PARVB: variants seen among roughly 807,000 people sequenced by gnomAD.
The protein encoded by PARVB is parvin beta, also known as beta-parvin.
A neutral mutation model predicts 47.0 loss-of-function variants in PARVB; 46 were observed. The observed-to-expected ratio is 0.98, with a 90% CI of 0.77 to 1.25. The LOEUF is 1.25. PARVB is among the 50% of genes most tolerant of loss of function. The pLI is 0.00. For missense variants in PARVB, 473 were observed against 471.6 expected, an observed-to-expected ratio of 1.00 and a Z score of -0.03; for synonymous variants, 196 against 196.3, an observed-to-expected ratio of 1.00 and a Z score of 0.01.
At chr22:44,132,020 T>A (rs530391107) in intron 5 of PARVB, among the ~76,000 whole-genome samples, 23 of 152,308 alleles carry the variant, frequency 1.5e-4, no homozygotes, top group African/African-American at 5.5e-4. Flanking sequence ...CATTATGAGA[T>A]GTGACATCAC....
Position 44,013,569 on chromosome 22 carries a change from A to G in PARVB, c.211+13896A>G, listed in dbSNP as rs187922364. Reference sequence around the variant, plus strand: ...GAACTTCAAATAAGTGGATTCACGCAGTCTGTGCTCTTTTGCATCTGTCTG... The same window carrying G: ...GAACTTCAAATAAGTGGATTCACGCGGTCTGTGCTCTTTTGCATCTGTCTG... On this transcript the variant is annotated intron_variant, in intron 2 of 13. Coordinates refer to the PARVB transcript ENST00000406477. 4.3e-4 allele frequency among the ~76,000 whole-genome samples: 66 copies of G among 152,344 alleles called. No individual in the cohort carries two copies. In the East Asian group the frequency reaches 5.2e-3, roughly 12 times the overall value.
chr22:44,094,498 T>A (rs1041799052), intron 2 of PARVB, among the ~76,000 whole-genome samples: 1 of 152,090 alleles, frequency 6.6e-6, no homozygotes, highest in African/African-American at 2.4e-5. Context: ...ATTTTATGTA[T>A]ATATTTTTTG....
intron 1 of PARVB, among the ~76,000 whole-genome samples, chr22:44,077,339 T>C (rs1436842782): frequency 6.6e-6 from 1 of 152,208 alleles, no homozygotes; most frequent in Non-Finnish European, 1.5e-5. Context: ...TCTGTGTCTC[T>C]GTCCTCTCCT....
intron 1 of PARVB, among the ~76,000 whole-genome samples, chr22:44,033,425 G>A (rs923327272): frequency 2.0e-5 from 3 of 152,168 alleles, no homozygotes; most frequent in African/African-American, 4.8e-5. Context: ...GGAATTCCTT[G>A]TACCCAGAAA....
intron 8 of PARVB, 33 bp from the exon 9 acceptor site, chr22:44,147,828 C>T (rs780032725): frequency 2.9e-5 from 47 of 1,603,542 alleles, no homozygotes; most frequent in Admixed American, 5.0e-5. Flanking sequence ...TTTCCATAAA[C>T]GCTCCTTCGT....
At chr22:44,107,994 C>G (rs2052606378) in intron 3 of PARVB, 1 of 152,256 alleles carries the variant, frequency 6.6e-6, no homozygotes, top group Non-Finnish European at 1.5e-5. Flanking sequence ...CTGCCTCAGC[C>G]TCCCAAGTAG....
intron 3 of PARVB, chr22:44,106,138 G>GGT (rs1287678015): frequency 1.4e-3 from 100 of 69,352 alleles, no homozygotes; most frequent in African/African-American, 6.2e-3. Context: ...AGCCAGATGT[G>GGT]TTTTTTTTTT....
At chr22:44,074,117 G>C (rs1440741698) in intron 1 of PARVB, among the ~76,000 whole-genome samples, 2 of 152,220 alleles carry the variant, frequency 1.3e-5, no homozygotes, top group Non-Finnish European at 2.9e-5. Flanking sequence ...GCAGGAGCCA[G>C]GGGTGTGTGA....
rs367757939 is a variant in PARVB, at chr22:44,158,075, G to T, written c.937G>T (p.Asp313Tyr). The stretch of plus-strand genomic sequence containing the variant: ...CTTCTACCTGACTCCGGAAAGCTTC[G>T]ATCAGAAGGTATGTGCATGGTCTCC... ...HHFYLTPESF[D>Y]QKVHNVSFAF... The change falls in exon 11 of 13, where the codon GAT becomes TAT. Residue 313 changes from aspartate to tyrosine, a missense_variant. By Grantham distance (160) the Asp-to-Tyr change is radical (BLOSUM62 -3). Transcript: ENST00000338758. The T allele has an allele frequency of 3.7e-6, 6 of 1,610,088 alleles. No homozygotes were observed. The highest frequency in any genetic ancestry group is 3.4e-6 in the Non-Finnish European group (4 of 1,176,510).
chr22:44,100,457 T>C (rs1038733919), intron 3 of PARVB, among the ~76,000 whole-genome samples: 4 of 152,098 alleles, frequency 2.6e-5, no homozygotes, highest in Non-Finnish European at 4.4e-5. Flanking sequence ...GAGTTGGAAC[T>C]CCGTCTGGAG....
chr22:44,090,144 C>T (rs1403388953), intron 1 of PARVB, among the ~76,000 whole-genome samples: 1 of 152,208 alleles, frequency 6.6e-6, no homozygotes, highest in African/African-American at 2.4e-5. Context: ...GGTATTCCCA[C>T]CACCCCATGT....
chr22:44,147,060 A>G (rs1470791364), intron 8 of PARVB: 3 of 158,044 alleles, frequency 1.9e-5, no homozygotes, highest in East Asian at 1.8e-4. Context: ...TCCCCCCTCC[A>G]TGGCAGCAGG....
At chr22:44,162,881 C>T (rs1214465854) in intron 11 of PARVB, 2 of 152,140 alleles carry the variant, frequency 1.3e-5, no homozygotes, top group East Asian at 3.8e-4. Context: ...AGTAATAGAC[C>T]CTTTAATTTC....
chr22:44,154,302 TTTTTG>T (rs2053872147), intron 10 of PARVB, among the ~76,000 whole-genome samples: 1 of 152,210 alleles, frequency 6.6e-6, no homozygotes, highest in African/African-American at 2.4e-5. Context: ...AATGCAGGGA[TTTTTG>T]TTTTGTTTTG....
chr22:44,084,958 C>T (rs1390520308), intron 1 of PARVB, among the ~76,000 whole-genome samples: 2 of 152,238 alleles, frequency 1.3e-5, no homozygotes, highest in African/African-American at 4.8e-5. Flanking sequence ...TACAAGAACA[C>T]AGTCTGGTGG....
chr22:44,028,873 C>T (rs2050776622), intron 1 of PARVB, among the ~76,000 whole-genome samples: 1 of 152,196 alleles, frequency 6.6e-6, no homozygotes, highest in South Asian at 2.1e-4. Flanking sequence ...ATTCGCATTT[C>T]CCTGATGAGG....
intron 3 of PARVB, chr22:44,104,241 G>C (rs986823309): frequency 6.6e-6 from 1 of 152,216 alleles, no homozygotes; most frequent in Non-Finnish European, 1.5e-5. Flanking sequence ...ATTCTGGAAG[G>C]CTCCACCTGC....
chr22:44,134,315 T>C (rs1277694755), intron 6 of PARVB, among the ~76,000 whole-genome samples: 1 of 152,164 alleles, frequency 6.6e-6, no homozygotes, highest in Non-Finnish European at 1.5e-5. Flanking sequence ...GCCATTCCTA[T>C]GGCCCCGTGT....
At chr22:43,999,878 G>C (rs939008829) in intron 2 of PARVB, among the ~76,000 whole-genome samples, 2 of 149,906 alleles carry the variant, frequency 1.3e-5, no homozygotes, top group South Asian at 4.2e-4. Flanking sequence ...GTGGTGGCAT[G>C]CATCTGTGGT....
Sources: allele counts gnomAD v4.1 joint callset (sites outside exome capture counted in the v4.1 genomes callset), GRCh38; gene constraint gnomAD v4.1.1; transcripts MANE v1.5; gene names NCBI Gene and HGNC (gene_info 2026-07-23, HGNC 2026-07-21).